CAMKMT: variants seen among roughly 807,000 people sequenced by gnomAD.
CAMKMT encodes calmodulin-lysine N-methyltransferase.
CAMKMT carries 53 observed loss-of-function variants against 48.0 expected under a neutral mutation model. That is an observed-to-expected ratio of 1.10 (90% CI 0.89 to 1.39). The LOEUF is 1.39. Ranked by LOEUF, CAMKMT falls within the 40% of genes most tolerant of loss-of-function variation. The pLI is 0.00. For missense variants in CAMKMT, 428 were observed against 402.7 expected (o/e 1.06, Z -0.54); for synonymous variants, 165 against 152.3 (o/e 1.08, Z -0.61).
chr2:44,637,940 C>T (rs1470251067), intron 3 of CAMKMT, among the ~76,000 whole-genome samples: 1 of 151,750 alleles, frequency 6.6e-6, no homozygotes, highest in Non-Finnish European at 1.5e-5. Flanking sequence ...TGGCACGTGC[C>T]TGTAGTCCCG....
intron 3 of CAMKMT, among the ~76,000 whole-genome samples, chr2:44,491,142 C>A (rs1669480385): frequency 9.0e-6 from 1 of 110,584 alleles, no homozygotes; most frequent in African/African-American, 3.5e-5. Flanking sequence ...TAGAGCCAGA[C>A]CTTGTCTCAA....
At chr2:44,613,090 C>A (rs1410653594) in intron 3 of CAMKMT, among the ~76,000 whole-genome samples, 2 of 152,130 alleles carry the variant, frequency 1.3e-5, no homozygotes, top group Non-Finnish European at 2.9e-5. Context: ...TTCAATGAGT[C>A]TTTTGGGGAG....
At chr2:44,411,463 C>G (rs1683198778) in intron 3 of CAMKMT, among the ~76,000 whole-genome samples, 1 of 152,192 alleles carries the variant, frequency 6.6e-6, no homozygotes, top group Non-Finnish European at 1.5e-5. Flanking sequence ...CATATGTTAT[C>G]TCTAGATTTT....
At position 44,657,515 on chromosome 2, in the gene CAMKMT, C is replaced by G. The variant is rs1368803735; in HGVS notation, c.377-46768C>G. 1.3e-5 allele frequency among the ~76,000 whole-genome samples: 2 copies of G among 152,124 alleles called. No individual in the cohort carries two copies. ...TCTGGCCAAGGTCATGCCTTCCATG[C>G]TTTATGGTATGTAAGTTTGGAATTA... On this transcript the variant is annotated intron_variant, in intron 3 of 10. Transcript: ENST00000378494. This position sits in a 1 kb window ranked among gnomAD's most constrained non-coding sequence, Gnocchi z 4.3.
At chr2:44,601,809 T>G (rs2103859587) in intron 3 of CAMKMT, among the ~76,000 whole-genome samples, 1 of 152,156 alleles carries the variant, frequency 6.6e-6, no homozygotes, top group South Asian at 2.1e-4. Flanking sequence ...TACTTTTTAA[T>G]TTTTCCTACT....
At chr2:44,440,826 AT>A (rs201721719) in intron 3 of CAMKMT, among the ~76,000 whole-genome samples, 4,378 of 151,790 alleles carry the variant, frequency 0.029, 86 homozygotes, top group Non-Finnish European at 0.037. Context: ...TTTATCCCTT[AT>A]TTTTTTTATT....
intron 3 of CAMKMT, among the ~76,000 whole-genome samples, chr2:44,692,881 G>C (rs1676741812): frequency 6.6e-6 from 1 of 152,148 alleles, no homozygotes; most frequent in Admixed American, 6.5e-5. Flanking sequence ...TCCCTAGGTA[G>C]TGTTTTTTTG....
intron 3 of CAMKMT, among the ~76,000 whole-genome samples, chr2:44,586,179 T>G (rs1669848031): frequency 6.6e-6 from 1 of 152,090 alleles, no homozygotes; most frequent in Admixed American, 6.5e-5. Flanking sequence ...AAAGGCTTGG[T>G]TTAGTTTAAG....
rs568697821 is a variant in CAMKMT, at chr2:44,706,448, G to T, written c.492+107G>T. The stretch of plus-strand genomic sequence containing the variant: ...GAGAACCGTCAACAGCATCAGCTGC[G>T]GTCAAGCTGCCGGGTCTTGAGAGAC... On this transcript the variant is annotated intron_variant, in intron 5 of 10. Transcript: ENST00000378494. The T allele has an allele frequency of 1.5e-3, 1,567 of 1,063,474 alleles. 4 individuals carry two copies. Among genetic ancestry groups the T allele is most frequent in the Non-Finnish European group, 1.8e-3 (1,247 of 688,126 alleles). The allele number at this position is 1,063,474 out of a possible 1,614,324, so 65.9% of individuals were successfully genotyped here.
intron 3 of CAMKMT, chr2:44,631,414 A>C: frequency 3.7e-6 from 2 of 540,262 alleles, no homozygotes; most frequent in Non-Finnish European, 3.2e-6. Flanking sequence ...AATAGTAATA[A>C]TAATAAAAAA....
intron 3 of CAMKMT, among the ~76,000 whole-genome samples, chr2:44,424,416 C>T (rs149375720): frequency 8.5e-5 from 13 of 152,144 alleles, no homozygotes; most frequent in African/African-American, 2.7e-4. Context: ...ATACATTGCG[C>T]AAGTGGGGGC....
At chr2:44,628,785 A>G (rs964438929) in intron 3 of CAMKMT, among the ~76,000 whole-genome samples, 1 of 152,142 alleles carries the variant, frequency 6.6e-6, no homozygotes, top group African/African-American at 2.4e-5. Flanking sequence ...TACATTTTTT[A>G]AACAGTATAT....
At chr2:44,665,029 A>G (rs1353561058) in intron 3 of CAMKMT, among the ~76,000 whole-genome samples, 1 of 152,110 alleles carries the variant, frequency 6.6e-6, no homozygotes, top group Non-Finnish European at 1.5e-5. Flanking sequence ...AAACATTGTC[A>G]ATTTTAAAAA....
At chr2:44,571,726 G>C (rs1179290612) in intron 3 of CAMKMT, among the ~76,000 whole-genome samples, 1 of 152,074 alleles carries the variant, frequency 6.6e-6, no homozygotes, top group Non-Finnish European at 1.5e-5. Flanking sequence ...GTAGTCCCGG[G>C]TGCCCTGGAG....
At chr2:44,487,926 A>G (rs988636876) in intron 3 of CAMKMT, among the ~76,000 whole-genome samples, 1 of 152,220 alleles carries the variant, frequency 6.6e-6, no homozygotes, top group African/African-American at 2.4e-5. Context: ...CAGATTTCAA[A>G]TGCTCTTTAG....
intron 3 of CAMKMT, among the ~76,000 whole-genome samples, chr2:44,519,035 C>A (rs185139680): frequency 6.6e-6 from 1 of 152,208 alleles, no homozygotes; most frequent in South Asian, 2.1e-4. Flanking sequence ...TACTAACCTG[C>A]TTTTAGACCA....
rs3083440 is a variant in CAMKMT at position 44,614,936 on chromosome 2, C to CTT, written c.377-89324_377-89323dup. 2.4e-3 allele frequency among the ~76,000 whole-genome samples: 119 copies of CTT among 48,978 alleles called. 3 individuals are homozygous for CTT. Among genetic ancestry groups the CTT allele is most frequent in the East Asian group, 0.011 (23 of 2,168 alleles). The allele number at this position is 48,978 out of a possible 152,430, so 32.1% of individuals were successfully genotyped here. The stretch of plus-strand genomic sequence containing the variant: ...TCTAACCAGCTCTTTGGTCTCCTTG[C>CTT]TTTTTTTTTTTTTTTTTTTTTTTTG... On this transcript the variant is annotated intron_variant, in intron 3 of 10. Transcript: ENST00000378494.
chr2:44,409,010 A>G (rs911052605), intron 3 of CAMKMT, among the ~76,000 whole-genome samples: 3 of 151,044 alleles, frequency 2.0e-5, no homozygotes, highest in Non-Finnish European at 4.4e-5. Context: ...CCAAAGAGTC[A>G]GGATTACAGG....
chr2:44,432,826 TAA>T lies in CAMKMT; in HGVS notation c.376+42534_376+42535del, dbSNP rs35216897. ...GTTTGAGCTAACTTTTCATGTAAAT[TAA>T]AAAAAAAAAAAACATATGCTTTCCA... On this transcript the variant is annotated intron_variant, in intron 3 of 10. Coordinates refer to ENST00000378494, the MANE Select transcript of CAMKMT (RefSeq NM_024766.5). 2.0e-3 allele frequency among the ~76,000 whole-genome samples: 297 copies of T among 147,512 alleles called. 1 individual carries two copies. The highest frequency in any genetic ancestry group is 3.5e-3 in the Middle Eastern group (1 of 286).
Sources: allele counts gnomAD v4.1 joint callset (sites outside exome capture counted in the v4.1 genomes callset), GRCh38; gene constraint gnomAD v4.1.1; non-coding constraint Gnocchi (gnomAD v3.1); transcripts MANE v1.5; gene names NCBI Gene and HGNC (gene_info 2026-07-23, HGNC 2026-07-21).